B4GALNT2: variants seen among roughly 807,000 people sequenced by gnomAD.
B4GALNT2 encodes beta-1,4-N-acetyl-galactosaminyltransferase 2 (SID blood group).
A neutral mutation model predicts 51.1 loss-of-function variants in B4GALNT2; 42 were observed. That is an observed-to-expected ratio of 0.82 (90% CI 0.64 to 1.06). B4GALNT2 has a LOEUF of 1.06. Among genes scored for constraint, B4GALNT2 ranks in the 50% least tolerant of loss-of-function variants. B4GALNT2 has a pLI of 0.00. For missense variants in B4GALNT2, 602 were observed against 633.6 expected, an observed-to-expected ratio of 0.95 and a Z score of 0.54; for synonymous variants, 253 against 251.7, an observed-to-expected ratio of 1.01 and a Z score of -0.05.
upstream of B4GALNT2, among the ~76,000 whole-genome samples, chr17:49,128,338 G>T (rs2042520778): frequency 6.6e-6 from 1 of 152,168 alleles, no homozygotes; most frequent in African/African-American, 2.4e-5. Context: ...GCGGGGTTTG[G>T]GGCTGAAGGC....
chr17:49,121,202 C>T, the B4GALNT2 span, among the ~76,000 whole-genome samples: 50 of 152,270 alleles, frequency 3.3e-4, no homozygotes, highest in African/African-American at 1.2e-3. Flanking sequence ...CTGAGCCAGG[C>T]CTGCGCAAGG....
upstream of B4GALNT2, among the ~76,000 whole-genome samples, chr17:49,131,980 TA>T (rs2042542424): frequency 6.6e-6 from 1 of 152,008 alleles, no homozygotes; most frequent in African/African-American, 2.4e-5. Context: ...AAATTATTAT[TA>T]TTATTTTTTA....
At chr17:49,164,491 C>G (rs2042893170) in intron 8 of B4GALNT2, among the ~76,000 whole-genome samples, 1 of 139,544 alleles carries the variant, frequency 7.2e-6, no homozygotes, top group African/African-American at 2.6e-5. Flanking sequence ...GGTTATTCCA[C>G]CTTTCCTCAT....
upstream of B4GALNT2, among the ~76,000 whole-genome samples, chr17:49,129,626 G>T (rs1598190163): frequency 8.5e-6 from 1 of 118,218 alleles, no homozygotes; most frequent in South Asian, 2.8e-4. Flanking sequence ...CGATTTTTTG[G>T]TCAGAAGCAT....
At chr17:49,129,270 C>A (rs1416960018), upstream of B4GALNT2, among the ~76,000 whole-genome samples, 1 of 152,146 alleles carries the variant, frequency 6.6e-6, no homozygotes, top group Non-Finnish European at 1.5e-5. Flanking sequence ...CCATTGCAGG[C>A]AGTCAGAGGT....
chr17:49,145,246 A>C (rs1303993034), intron 3 of B4GALNT2, among the ~76,000 whole-genome samples: 1 of 152,240 alleles, frequency 6.6e-6, no homozygotes, highest in African/African-American at 2.4e-5. Flanking sequence ...AAAGACAATA[A>C]TAAGGTTATA....
chr17:49,131,683 G>A (rs2042540487), upstream of B4GALNT2, among the ~76,000 whole-genome samples: 1 of 151,872 alleles, frequency 6.6e-6, no homozygotes, highest in Non-Finnish European at 1.5e-5. Flanking sequence ...GCTAATTTTT[G>A]TATTTTTAGT....
At chr17:49,153,759 C>T (rs1336994054) in intron 4 of B4GALNT2, among the ~76,000 whole-genome samples, 2 of 151,964 alleles carry the variant, frequency 1.3e-5, no homozygotes, top group Non-Finnish European at 2.9e-5. Context: ...CTCCTCACCT[C>T]GGCCTCCCAA....
chr17:49,132,967 A>G, intron 1 of B4GALNT2, 161 bp downstream of exon 1: 1 of 1,417,906 alleles, frequency 7.1e-7, no homozygotes, highest in Admixed American at 3.4e-5. Flanking sequence ...GGTTCCCCGC[A>G]TAGGTGGCTG....
At chr17:49,146,980 A>C (rs534566613) in intron 3 of B4GALNT2, among the ~76,000 whole-genome samples, 5 of 152,304 alleles carry the variant, frequency 3.3e-5, no homozygotes, top group Admixed American at 3.3e-4. Flanking sequence ...AAGCTATATA[A>C]ATCTCTGGAG....
At chr17:49,130,721 A>G (rs1447108708), upstream of B4GALNT2, among the ~76,000 whole-genome samples, 2 of 152,122 alleles carry the variant, frequency 1.3e-5, no homozygotes, top group East Asian at 3.9e-4. Flanking sequence ...TGTTGCAGAA[A>G]CCATAGTTTC....
At chr17:49,124,542 A>G in the B4GALNT2 span, among the ~76,000 whole-genome samples, 1 of 152,240 alleles carries the variant, frequency 6.6e-6, no homozygotes, top group Non-Finnish European at 1.5e-5. Flanking sequence ...TATCAGAATT[A>G]TAGGAGTCTC....
In B4GALNT2 at chr17:49,160,557, A is replaced by G; in HGVS notation, c.682A>G (p.Ser228Gly). ...CATTATCTTATTTCTCCCTCCAGTG[A>G]GTCTGGAGTCCAGGTCCTCAGTGGC... ...GYQHQKVDIV[S>G]LESRSSVAKF... Residue 228 changes from serine (S) to glycine (G), a missense_variant and splice_region_variant, in exon 7 of 11, where the codon AGT (serine) becomes GGT (glycine). Coordinates refer to ENST00000393354, the MANE Select transcript of B4GALNT2 (RefSeq NM_001159387.2). 2.5e-6 allele frequency: 4 copies of G among 1,613,072 alleles called. No individual in the cohort carries two copies. The highest frequency in any genetic ancestry group is 3.4e-6 in the Non-Finnish European group (4 of 1,179,032).
chr17:49,127,821 C>T (rs187814564), upstream of B4GALNT2, among the ~76,000 whole-genome samples: 133 of 152,266 alleles, frequency 8.7e-4, no homozygotes, highest in Non-Finnish European at 8.8e-4. Flanking sequence ...TTTCCCAAAA[C>T]GGGATTCATG....
chr17:49,152,786 TCTC>T lies in B4GALNT2; in HGVS notation c.354-11_354-9del, dbSNP rs1298935948. 6.4e-7 allele frequency: 1 copy of T among 1,563,856 alleles called. No individual in the cohort carries two copies. The highest frequency in any genetic ancestry group is 8.7e-7 in the Non-Finnish European group (1 of 1,151,380). On this transcript the variant is annotated splice_polypyrimidine_tract_variant and intron_variant, in intron 3 of 10. Coordinates refer to ENST00000393354, the MANE Select transcript of B4GALNT2 (RefSeq NM_001159387.2). ...TCAGGGCAGCTGCTGACGTTTCTGT[TCTC>T]CTTCCTGCAGAGAAGGGCTGCCCCG...
At position 49,133,160 on chromosome 17, in the gene B4GALNT2, C is replaced by T. The variant is rs778446152; in HGVS notation, c.14+354C>T. 2.6e-6 allele frequency: 4 copies of T among 1,528,818 alleles called. No homozygotes were observed. The South Asian group carries it at 5.0e-5, about 19-fold the overall frequency. The allele number at this position is 1,528,818 out of a possible 1,614,324, so 94.7% of individuals were successfully genotyped here. A position where few individuals can be genotyped will look rare whatever the true frequency, so the allele number is the denominator to read the frequency against. On this transcript the variant is annotated intron_variant, in intron 1 of 10. Coordinates refer to ENST00000393354, the MANE Select transcript of B4GALNT2 (RefSeq NM_001159387.2). ...GCTTCGGGGCTCTCTGCTTGGAACTCAGAGGCGCTGACCCAGCCTGGGGCC... is the reference window on the plus strand; with the variant it reads ...GCTTCGGGGCTCTCTGCTTGGAACTTAGAGGCGCTGACCCAGCCTGGGGCC...
At chr17:49,133,345 A>G in intron 1 of B4GALNT2, 1 of 1,148,154 alleles carries the variant, frequency 8.7e-7, no homozygotes, top group Non-Finnish European at 1.1e-6. Context: ...CGCCCACCGC[A>G]GGGCAGAGTG....
chr17:49,161,289 G>T, intron 7 of B4GALNT2, among the ~76,000 whole-genome samples: 1 of 46,158 alleles, frequency 2.2e-5, no homozygotes, highest in African/African-American at 7.2e-5. Flanking sequence ...AAAAAAAAAA[G>T]AGAGAGACAG....
At chr17:49,139,974 T>C (rs1285968769) in intron 1 of B4GALNT2, among the ~76,000 whole-genome samples, 1 of 151,312 alleles carries the variant, frequency 6.6e-6, no homozygotes, top group Non-Finnish European at 1.5e-5. Flanking sequence ...TAGATTGAGA[T>C]ACCTTCTTTT....
Sources: allele counts gnomAD v4.1 joint callset (sites outside exome capture counted in the v4.1 genomes callset), GRCh38; gene constraint gnomAD v4.1.1; transcripts MANE v1.5; gene names NCBI Gene and HGNC (gene_info 2026-07-23, HGNC 2026-07-21).